Variants in PLCB4 observed in about 807,000 individuals in gnomAD.
PLCB4 encodes 1-phosphatidylinositol 4,5-bisphosphate phosphodiesterase beta-4.
Under a neutral mutation model 178.8 loss-of-function variants are expected in PLCB4, and 77 were observed. The ratio of observed to expected loss-of-function variants is 0.43; its 90% confidence interval spans 0.36 to 0.52. The LOEUF is 0.52. Among genes scored for constraint, PLCB4 ranks in the 20% least tolerant of loss-of-function variants. PLCB4 has a pLI of 0.00. For synonymous variants in PLCB4, 496 were observed against 490.8 expected (o/e 1.01, Z -0.14); for missense variants, 1,024 against 1,453.4 (o/e 0.70, Z 4.80).
At chr20:9,437,263 A>G in intron 30 of PLCB4, 111 bp downstream of exon 30, 2 of 962,212 alleles carry the variant, frequency 2.1e-6, no homozygotes, top group Non-Finnish European at 3.0e-6. Context: ...GTGGGAAAGA[A>G]CCTTTTACAT....
At chr20:9,390,720 T>G (rs1226663415) in intron 17 of PLCB4, 105 bp downstream of exon 17, 2 of 566,240 alleles carry the variant, frequency 3.5e-6, no homozygotes, top group East Asian at 5.9e-5. Flanking sequence ...ATCTTCATAT[T>G]TATTTAAATT....
chr20:9,462,969 A>T (rs193046044), intron 35 of PLCB4, among the ~76,000 whole-genome samples: 9 of 152,336 alleles, frequency 5.9e-5, no homozygotes, highest in Non-Finnish European at 1.2e-4. Flanking sequence ...TAATTGTCAG[A>T]TTCACCAAGG....
chr20:9,133,326 G>C (rs1417214084), intron 2 of PLCB4, among the ~76,000 whole-genome samples: 1 of 152,086 alleles, frequency 6.6e-6, no homozygotes, highest in Non-Finnish European at 1.5e-5. Flanking sequence ...GGAGTATAGT[G>C]GCATGATCTT....
chr20:9,421,327 A>T lies in PLCB4; in HGVS notation c.2185A>T (p.Lys729Ter). The T allele has an allele frequency of 6.2e-7, 1 of 1,613,846 alleles. No homozygotes were observed. Reference protein sequence around the residue: ...VISGQFLSDKKIGTYVEVDMY... With the variant: ...VISGQFLSDK ...ATCAGGTCAATTCTTATCAGATAAG[A>T]AAATTGGCACCTACGTAGAGGTGGA... is the stretch of plus-strand genomic sequence containing the variant. The change falls in exon 27 of 40, where the codon AAA becomes TAA. Residue 729 changes from lysine (K) to a stop codon, truncating the protein, a stop_gained. Coordinates refer to ENST00000378473, the MANE Select transcript of PLCB4 (RefSeq NM_001377142.1). LOFTEE classifies it high-confidence loss of function.
chr20:9,393,367 C>T (rs187279829), intron 17 of PLCB4, among the ~76,000 whole-genome samples: 147 of 152,310 alleles, frequency 9.7e-4, no homozygotes, highest in Non-Finnish European at 3.4e-4. Flanking sequence ...CTGCACACCT[C>T]TGGAAACTAT....
intron 2 of PLCB4, among the ~76,000 whole-genome samples, chr20:9,130,124 AC>A (rs1432193638): frequency 6.6e-6 from 1 of 152,174 alleles, no homozygotes. Context: ...AATGCAGCCG[AC>A]AATGTAAGTC....
chr20:9,079,279 G>A (rs1480431295), intron 1 of PLCB4, among the ~76,000 whole-genome samples: 1 of 152,320 alleles, frequency 6.6e-6, no homozygotes, highest in Middle Eastern at 3.4e-3. Flanking sequence ...AGGAGGGCTT[G>A]TTAAAGGGAC....
intron 19 of PLCB4, among the ~76,000 whole-genome samples, chr20:9,397,294 A>C (rs1263790154): frequency 6.6e-6 from 1 of 152,154 alleles, no homozygotes; most frequent in Non-Finnish European, 1.5e-5. Context: ...ATTCAGCCCC[A>C]TGTTCAGGCT....
chr20:9,461,916 A>G (rs1415637446), intron 35 of PLCB4, among the ~76,000 whole-genome samples: 1 of 152,204 alleles, frequency 6.6e-6, no homozygotes, highest in Non-Finnish European at 1.5e-5. Context: ...TTCTCCCAGC[A>G]TGGCGTTTGA....
chr20:9,312,390 ACACACACGCACGCACTCACACACACG>A (rs1232650730), intron 4 of PLCB4, among the ~76,000 whole-genome samples: 19 of 141,536 alleles, frequency 1.3e-4, no homozygotes, highest in African/African-American at 5.0e-4. Context: ...ACACACACAC[ACACACACGCACGCACTCACACACACG>A]TGGTGGAGGA....
chr20:9,288,205 C>T (rs919504842), intron 3 of PLCB4, among the ~76,000 whole-genome samples: 1 of 152,042 alleles, frequency 6.6e-6, no homozygotes, highest in African/African-American at 2.4e-5. Flanking sequence ...AATTGTGGCA[C>T]AGAAATGTAC....
chr20:9,405,988 C>G (rs1483600372), intron 21 of PLCB4, among the ~76,000 whole-genome samples: 1 of 152,130 alleles, frequency 6.6e-6, no homozygotes, highest in Non-Finnish European at 1.5e-5. Context: ...TTCTCACCCT[C>G]TAAATATTAA....
chr20:9,307,108 A>G (rs1375210128), intron 3 of PLCB4, among the ~76,000 whole-genome samples: 1 of 152,168 alleles, frequency 6.6e-6, no homozygotes, highest in East Asian at 1.9e-4. Context: ...AGGAGGGGCC[A>G]GACTCCTCTC....
chr20:9,210,521 G>A (rs2093662263), intron 2 of PLCB4, among the ~76,000 whole-genome samples: 1 of 152,126 alleles, frequency 6.6e-6, no homozygotes, highest in Non-Finnish European at 1.5e-5. Flanking sequence ...GGAGGGCGGG[G>A]GCTGTGGGGA....
At chr20:9,216,208 TTTTG>T (rs575011384) in intron 2 of PLCB4, among the ~76,000 whole-genome samples, 2 of 151,890 alleles carry the variant, frequency 1.3e-5, no homozygotes, top group South Asian at 2.1e-4. Flanking sequence ...GAGATGGAGT[TTTTG>T]TTTGTTTGTT....
intron 19 of PLCB4, among the ~76,000 whole-genome samples, chr20:9,399,056 AACAC>A (rs905921208): frequency 3.9e-5 from 6 of 152,228 alleles, no homozygotes; most frequent in Admixed American, 6.5e-5. Flanking sequence ...ATGTTTCCTA[AACAC>A]ACACAGTCAT....
chr20:9,310,527 A>G (rs1241234988), intron 4 of PLCB4, among the ~76,000 whole-genome samples: 1 of 151,840 alleles, frequency 6.6e-6, no homozygotes, highest in Admixed American at 6.6e-5. Flanking sequence ...TGGCTAACAC[A>G]GTGAAACCCC....
At chr20:9,242,845 G>A (rs2094080437) in intron 3 of PLCB4, among the ~76,000 whole-genome samples, 1 of 152,100 alleles carries the variant, frequency 6.6e-6, no homozygotes, top group Admixed American at 6.6e-5. Context: ...TGGGATCTAG[G>A]CATCTGCGAG....
intron 35 of PLCB4, among the ~76,000 whole-genome samples, chr20:9,461,734 G>A (rs896626471): frequency 6.6e-6 from 1 of 152,142 alleles, no homozygotes; most frequent in African/African-American, 2.4e-5. Context: ...GGCTTGAGTA[G>A]GTAAACAAAG....
Sources: gnomAD v4.1 joint callset for allele counts (sites outside exome capture counted in the v4.1 genomes callset) on GRCh38, gnomAD v4.1.1 for gene constraint, MANE v1.5 for transcripts, NCBI Gene and HGNC (gene_info 2026-07-23, HGNC 2026-07-21) for gene names.